The following MYO3B variants were observed in gnomAD, a reference collection of about 807,000 sequenced individuals.
MYO3B encodes the protein myosin-IIIb.
In MYO3B, 156 loss-of-function variants were observed where a neutral mutation model predicts 174.6. The observed-to-expected ratio is 0.89, with a 90% CI of 0.78 to 1.02. MYO3B has a LOEUF of 1.02. Ranked by LOEUF, MYO3B falls within the 50% of genes least tolerant of loss-of-function variation. The pLI is 0.00. For synonymous variants in MYO3B, 563 were observed against 569.1 expected (o/e 0.99, Z 0.15); for missense variants, 1,632 against 1,639.4 (o/e 1.00, Z 0.08).
intron 18 of MYO3B, 60 bp downstream of exon 18, chr2:170,401,751 A>T (rs1402197014): frequency 2.1e-6 from 3 of 1,462,822 alleles, no homozygotes; most frequent in Non-Finnish European, 1.9e-6. Flanking sequence ...GCCGTCTCTT[A>T]GAGTTTGCAA....
At chr2:170,205,132 A>G (rs915492828) in intron 3 of MYO3B, among the ~76,000 whole-genome samples, 1 of 152,170 alleles carries the variant, frequency 6.6e-6, no homozygotes, top group Non-Finnish European at 1.5e-5. Context: ...AGTGAACAAA[A>G]AGCACTGGCT....
chr2:170,178,338 A>G (rs1373180300), intron 1 of MYO3B, 49 bp downstream of exon 1: 1 of 1,613,584 alleles, frequency 6.2e-7, no homozygotes, highest in Non-Finnish European at 8.5e-7. Flanking sequence ...CTTGCTTTAG[A>G]TTGTTTTTCT....
At chr2:170,630,522 G>T in intron 32 of MYO3B, among the ~76,000 whole-genome samples, 1 of 152,236 alleles carries the variant, frequency 6.6e-6, no homozygotes, top group South Asian at 2.1e-4. Context: ...AAACGTCCCT[G>T]TGTGACAGCT....
chr2:170,508,583 T>C (rs1163996697), intron 28 of MYO3B, among the ~76,000 whole-genome samples: 1 of 152,228 alleles, frequency 6.6e-6, no homozygotes, highest in African/African-American at 2.4e-5. Context: ...CCCTTATGTG[T>C]TCTGCAAGTT....
chr2:170,316,702 G>A (rs2105482809), intron 7 of MYO3B, among the ~76,000 whole-genome samples: 1 of 152,288 alleles, frequency 6.6e-6, no homozygotes, highest in South Asian at 2.1e-4. Context: ...CTTTTCCTAA[G>A]GCCAGAAAAT....
intron 8 of MYO3B, among the ~76,000 whole-genome samples, chr2:170,336,402 G>A (rs2093947604): frequency 6.6e-6 from 1 of 152,098 alleles, no homozygotes; most frequent in African/African-American, 2.4e-5. Context: ...AAAGAAGCCA[G>A]GCAATAAAGC....
intron 1 of MYO3B, among the ~76,000 whole-genome samples, chr2:170,192,648 A>T (rs1286343202): frequency 6.6e-6 from 1 of 151,206 alleles, no homozygotes; most frequent in Non-Finnish European, 1.5e-5. Flanking sequence ...ATTAAAAAAA[A>T]TTTCTTTTTA....
chr2:170,453,773 C>A (rs955687592), intron 23 of MYO3B, among the ~76,000 whole-genome samples: 2 of 152,172 alleles, frequency 1.3e-5, no homozygotes, highest in African/African-American at 4.8e-5. Flanking sequence ...GCAAAATACC[C>A]GTAACAAAAC....
At chr2:170,439,923 G>A (rs541827830) in intron 22 of MYO3B, among the ~76,000 whole-genome samples, 7 of 152,178 alleles carry the variant, frequency 4.6e-5, no homozygotes, top group South Asian at 4.1e-4. Context: ...CTTGTGATCC[G>A]CCTGCCTCAG....
intron 8 of MYO3B, among the ~76,000 whole-genome samples, chr2:170,358,126 TG>T (rs2094136241): frequency 6.7e-6 from 1 of 150,096 alleles, no homozygotes; most frequent in African/African-American, 2.5e-5. Context: ...CACTCCAGCC[TG>T]GGCAACGAGA....
At chr2:170,338,635 CTG>C (rs2093959985) in intron 8 of MYO3B, among the ~76,000 whole-genome samples, 1 of 152,134 alleles carries the variant, frequency 6.6e-6, no homozygotes, top group South Asian at 2.1e-4. Context: ...CAGAGTCTCA[CTG>C]TGTTGCCCAG....
intron 22 of MYO3B, among the ~76,000 whole-genome samples, chr2:170,441,016 G>A (rs1270404522): frequency 6.6e-6 from 1 of 151,880 alleles, no homozygotes; most frequent in African/African-American, 2.4e-5. Flanking sequence ...TGGCCTGGCT[G>A]GTCTCCAACT....
At chr2:170,325,791 G>T (rs2093862340) in intron 7 of MYO3B, among the ~76,000 whole-genome samples, 1 of 152,076 alleles carries the variant, frequency 6.6e-6, no homozygotes, top group Non-Finnish European at 1.5e-5. Context: ...CCCAAGACTG[G>T]CCAGATAAGT....
At chr2:170,315,509 T>C (rs1455281723) in intron 7 of MYO3B, among the ~76,000 whole-genome samples, 1 of 152,138 alleles carries the variant, frequency 6.6e-6, no homozygotes, top group Non-Finnish European at 1.5e-5. Context: ...TTTCACCAAG[T>C]TGGCCAGGCT....
At chr2:170,349,259 G>A (rs767920819) in intron 8 of MYO3B, among the ~76,000 whole-genome samples, 25 of 152,100 alleles carry the variant, frequency 1.6e-4, no homozygotes, top group Non-Finnish European at 2.8e-4. Context: ...TTATGTCAGC[G>A]TTGTGCCTTT....
rs541402144 is a variant in MYO3B at position 170,284,010 on chromosome 2, C to T, written c.749+47874C>T. Among the ~76,000 whole-genome samples the T allele has an allele frequency of 3.0e-4, 45 of 152,296 alleles. 1 individual carries two copies. The South Asian group carries it at 7.5e-3, about 25-fold the overall frequency. On this transcript the variant is annotated intron_variant, in intron 7 of 34. Transcript: ENST00000408978. Reference sequence around the variant, plus strand: ...CTGAGCAGCTCTTATGAATTCTTCACACATATATGCTACTTCTAGTCCTTT... The same window carrying T: ...CTGAGCAGCTCTTATGAATTCTTCATACATATATGCTACTTCTAGTCCTTT...
intron 3 of MYO3B, among the ~76,000 whole-genome samples, chr2:170,208,761 G>A (rs1034374020): frequency 1.5e-4 from 23 of 152,122 alleles, no homozygotes; most frequent in African/African-American, 5.1e-4. Context: ...CTGAGTTGCT[G>A]GCAAAATAGA....
chr2:170,376,742 A>C (rs527859874), intron 9 of MYO3B, among the ~76,000 whole-genome samples: 1 of 152,080 alleles, frequency 6.6e-6, no homozygotes, highest in Non-Finnish European at 1.5e-5. Flanking sequence ...GGTGTGGAGG[A>C]GCAGAGGCAG....
At chr2:170,232,382 G>C (rs1195800002) in intron 6 of MYO3B, among the ~76,000 whole-genome samples, 1 of 152,206 alleles carries the variant, frequency 6.6e-6, no homozygotes, top group Non-Finnish European at 1.5e-5. Flanking sequence ...CTCATCGTAT[G>C]TGTAACCTGC....
Sources: allele counts gnomAD v4.1 joint callset (sites outside exome capture counted in the v4.1 genomes callset), GRCh38; gene constraint gnomAD v4.1.1; transcripts MANE v1.5; gene names NCBI Gene and HGNC (gene_info 2026-07-23, HGNC 2026-07-21).